MACROD2: variants seen among roughly 807,000 people sequenced by gnomAD.
MACROD2 encodes the protein ADP-ribose glycohydrolase MACROD2.
Under a neutral mutation model 70.4 loss-of-function variants are expected in MACROD2, and 36 were observed. The ratio of observed to expected loss-of-function variants is 0.51; its 90% CI spans 0.39 to 0.68. The LOEUF is 0.68. Ranked by LOEUF, MACROD2 falls within the 30% of genes least tolerant of loss-of-function variation. MACROD2 has a pLI of 0.00. For missense variants in MACROD2, 496 were observed against 538.4 expected (o/e 0.92, Z 0.78); for synonymous variants, 172 against 178.8 (o/e 0.96, Z 0.30).
intron 4 of MACROD2, among the ~76,000 whole-genome samples, chr20:14,628,278 T>C (rs1332937004): frequency 6.6e-6 from 1 of 152,180 alleles, no homozygotes; most frequent in Non-Finnish European, 1.5e-5. Context: ...TTGGATTTAT[T>C]ACTGTAGTCT....
intron 8 of MACROD2, among the ~76,000 whole-genome samples, chr20:15,693,058 G>A (rs1482158592): frequency 6.6e-6 from 1 of 152,126 alleles, no homozygotes; most frequent in Non-Finnish European, 1.5e-5. Context: ...ATGATTGTAA[G>A]TTTCCTGAGG....
chr20:15,879,926 A>C (rs2064730409), intron 9 of MACROD2, among the ~76,000 whole-genome samples: 1 of 152,066 alleles, frequency 6.6e-6, no homozygotes, highest in Non-Finnish European at 1.5e-5. Context: ...TTCAGTTTGA[A>C]TCTGAAGGCA....
At chr20:15,722,986 TTTG>T (rs1251165547) in intron 8 of MACROD2, among the ~76,000 whole-genome samples, 3 of 152,228 alleles carry the variant, frequency 2.0e-5, no homozygotes, top group African/African-American at 7.2e-5. Flanking sequence ...CATTCTTTCC[TTTG>T]TTATGTGTCA....
chr20:14,489,371 T>C (rs2084768898), intron 3 of MACROD2, among the ~76,000 whole-genome samples: 1 of 152,252 alleles, frequency 6.6e-6, no homozygotes, highest in Non-Finnish European at 1.5e-5. Context: ...AAAGTGGTTC[T>C]AGAATCATGC....
intron 5 of MACROD2, among the ~76,000 whole-genome samples, chr20:15,119,038 C>T (rs2076011919): frequency 6.6e-6 from 1 of 152,128 alleles, no homozygotes; most frequent in African/African-American, 2.4e-5. Context: ...CAAACTCTAC[C>T]CTATGTGAAA....
intron 5 of MACROD2, among the ~76,000 whole-genome samples, chr20:15,175,690 A>G (rs937284234): frequency 6.6e-6 from 1 of 152,224 alleles, no homozygotes; most frequent in Non-Finnish European, 1.5e-5. Context: ...GAGACATTAC[A>G]ATAATTTATG....
At chr20:15,404,895 A>G (rs2045977928) in intron 6 of MACROD2, among the ~76,000 whole-genome samples, 1 of 152,234 alleles carries the variant, frequency 6.6e-6, no homozygotes, top group South Asian at 2.1e-4. Flanking sequence ...AAGTAGCAAG[A>G]GTCTAAATAT....
intron 3 of MACROD2, among the ~76,000 whole-genome samples, chr20:14,434,111 T>G (rs6110289): frequency 0.3 from 45,312 of 151,944 alleles, 7,852 homozygotes; most frequent in South Asian, 0.59. Flanking sequence ...AGCAGACAAG[T>G]GAACACAAAA....
intron 6 of MACROD2, among the ~76,000 whole-genome samples, chr20:15,354,035 A>G (rs2078258256): frequency 6.7e-6 from 1 of 149,590 alleles, no homozygotes; most frequent in Non-Finnish European, 1.5e-5. Flanking sequence ...ATGCTGCTAT[A>G]AAGACACATG....
chr20:15,404,077 A>G (rs1330854519), intron 6 of MACROD2, among the ~76,000 whole-genome samples: 26 of 152,164 alleles, frequency 1.7e-4, no homozygotes, highest in Admixed American at 1.7e-3. Context: ...GATCCAACCC[A>G]TGCTACAATA....
chr20:15,218,511 A>G (rs2076830601), intron 5 of MACROD2, among the ~76,000 whole-genome samples: 1 of 152,200 alleles, frequency 6.6e-6, no homozygotes, highest in Non-Finnish European at 1.5e-5. Context: ...ATGTTCCCAA[A>G]GAATATCTCT....
intron 5 of MACROD2, among the ~76,000 whole-genome samples, chr20:14,816,990 A>G (rs1038932550): frequency 6.6e-6 from 1 of 152,150 alleles, no homozygotes; most frequent in African/African-American, 2.4e-5. Flanking sequence ...ACATATATTA[A>G]CATTATATAA....
At chr20:14,333,928 C>T (rs1415861282) in intron 3 of MACROD2, among the ~76,000 whole-genome samples, 1 of 152,108 alleles carries the variant, frequency 6.6e-6, no homozygotes, top group African/African-American at 2.4e-5. Flanking sequence ...TCAAAGTTGC[C>T]TCGGTAACTT....
At chr20:14,321,233 C>T (rs945608930) in intron 3 of MACROD2, among the ~76,000 whole-genome samples, 17 of 151,952 alleles carry the variant, frequency 1.1e-4, no homozygotes, top group South Asian at 2.1e-4. Flanking sequence ...GGTGTGGTGA[C>T]GCAAGTCTGT....
intron 5 of MACROD2, among the ~76,000 whole-genome samples, chr20:14,782,005 C>T (rs140452269): frequency 0.034 from 5,228 of 151,852 alleles, 131 homozygotes; most frequent in Non-Finnish European, 0.049. Flanking sequence ...CTCACTGCAA[C>T]CTCCGCCTCC....
chr20:15,348,716 C>T (rs1354231632), intron 6 of MACROD2, among the ~76,000 whole-genome samples: 2 of 152,028 alleles, frequency 1.3e-5, no homozygotes, highest in Non-Finnish European at 2.9e-5. Flanking sequence ...TTTATAAAAC[C>T]ATAAGATCTC....
At chr20:16,000,211 A>C (rs1317378130) in intron 15 of MACROD2, among the ~76,000 whole-genome samples, 1 of 151,988 alleles carries the variant, frequency 6.6e-6, no homozygotes, top group Non-Finnish European at 1.5e-5. Context: ...CTGAATGTGA[A>C]CTCCCTCATT....
At chr20:14,831,466 T>G (rs2122236299) in intron 5 of MACROD2, among the ~76,000 whole-genome samples, 1 of 151,954 alleles carries the variant, frequency 6.6e-6, no homozygotes, top group South Asian at 2.1e-4. Context: ...CCTGCCTACC[T>G]TATCCCTCCC....
At chr20:14,504,276 A>T (rs1462494329) in intron 4 of MACROD2, among the ~76,000 whole-genome samples, 1 of 152,228 alleles carries the variant, frequency 6.6e-6, no homozygotes, top group East Asian at 1.9e-4. Flanking sequence ...AGAATTGCAC[A>T]TACATTATCT....
Sources: gnomAD v4.1 joint callset for allele counts (sites outside exome capture counted in the v4.1 genomes callset) on GRCh38, gnomAD v4.1.1 for gene constraint, MANE v1.5 for transcripts, NCBI Gene and HGNC (gene_info 2026-07-23, HGNC 2026-07-21) for gene names.